The following CDK14 variants were observed in gnomAD, a reference collection of about 807,000 sequenced individuals.
CDK14 encodes cyclin-dependent kinase 14.
In CDK14, 34 loss-of-function variants were observed where a neutral mutation model predicts 60.7. The ratio of observed to expected loss-of-function variants is 0.56; its 90% CI spans 0.43 to 0.75. CDK14 has a LOEUF of 0.75. Among genes scored for constraint, CDK14 ranks in the 30% least tolerant of loss-of-function variants. The pLI, the probability that CDK14 is intolerant of heterozygous loss-of-function variation, is 0.00. For synonymous variants in CDK14, 197 were observed against 203.7 expected (o/e 0.97, Z 0.28); for missense variants, 482 against 564.1 (o/e 0.85, Z 1.47).
intron 10 of CDK14, among the ~76,000 whole-genome samples, chr7:91,024,839 A>G (rs1018979424): frequency 6.6e-6 from 1 of 152,232 alleles, no homozygotes; most frequent in African/African-American, 2.4e-5. Context: ...AGCTAAGTCT[A>G]TTTGATAGGT....
In CDK14 at chr7:90,596,545, T is replaced by C; in HGVS notation, c.-83T>C. The C allele has an allele frequency of 8.3e-7, 1 of 1,207,562 alleles. No homozygotes were observed. The highest frequency in any genetic ancestry group is 1.2e-6 in the Non-Finnish European group (1 of 831,784). 74.8% of individuals were successfully genotyped at this position (1,207,562 alleles called of 1,614,324 possible). On this transcript the variant is annotated 5_prime_UTR_variant, in exon 1 of 15. Coordinates refer to ENST00000380050, the MANE Select transcript of CDK14 (RefSeq NM_001287135.2). The stretch of plus-strand genomic sequence containing the variant: ...AGGTGGTGGAGGAGGAGGCGCCGCT[T>C]TCCCCGCGGCGCGCGCCCTCGCCGT...
intron 10 of CDK14, among the ~76,000 whole-genome samples, chr7:90,990,427 G>A (rs1374102851): frequency 1.3e-5 from 2 of 152,042 alleles, no homozygotes. Flanking sequence ...AACAAATAGG[G>A]ACAATAGATT....
intron 8 of CDK14, among the ~76,000 whole-genome samples, chr7:90,939,043 G>A (rs1195265379): frequency 1.3e-5 from 2 of 151,838 alleles, no homozygotes; most frequent in South Asian, 4.1e-4. Context: ...TCCCCTTTTT[G>A]CTCCTTTAAC....
At chr7:91,022,409 ATTC>A (rs1253352060) in intron 10 of CDK14, among the ~76,000 whole-genome samples, 5 of 139,376 alleles carry the variant, frequency 3.6e-5, no homozygotes, top group Non-Finnish European at 4.9e-5. Flanking sequence ...TGCCAGTGGC[ATTC>A]TTCTCCAAAA....
rs545484529 is a variant in CDK14, at chr7:90,698,641, T to C, written c.124-27926T>C. 9.8e-5 allele frequency among the ~76,000 whole-genome samples: 15 copies of C among 152,336 alleles called. No individual in the cohort carries two copies. The East Asian group carries it at 2.1e-3, about 22-fold the overall frequency. ...TGCTTCCTGATTGGCATCAATTATC[T>C]TACAACACCCCCAATTTTTTTGGAA... On this transcript the variant is annotated intron_variant, in intron 2 of 14. Transcript: ENST00000380050.
At chr7:91,117,191 C>T (rs1359861123) in intron 13 of CDK14, among the ~76,000 whole-genome samples, 1 of 150,588 alleles carries the variant, frequency 6.6e-6, no homozygotes, top group Admixed American at 6.7e-5. Flanking sequence ...CATCATTCTT[C>T]CAGTTGATGG....
intron 2 of CDK14, among the ~76,000 whole-genome samples, chr7:90,643,661 C>G (rs973855173): frequency 6.6e-6 from 1 of 152,124 alleles, no homozygotes; most frequent in Non-Finnish European, 1.5e-5. Flanking sequence ...TACAGCGTGA[C>G]GTTAACTTGA....
Position 90,790,618 on chromosome 7 carries a change from A to G in CDK14, c.510A>G (p.Glu170=). ...LVALKVIRLQ[E]EEGTPFTAIR... The stretch of plus-strand genomic sequence containing the variant: ...CTCTGAAGGTGATCAGGCTGCAGGA[A>G]GAAGAAGGGACACCTTTCACAGCTA... The change falls in exon 5 of 15, where the codon GAA becomes GAG. Residue 170 remains glutamate, a synonymous_variant. Coordinates refer to ENST00000380050, the MANE Select transcript of CDK14 (RefSeq NM_001287135.2). 6.2e-7 allele frequency: 1 copy of G among 1,612,874 alleles called. No homozygotes were observed. Among genetic ancestry groups the G allele is most frequent in the South Asian group, 1.1e-5 (1 of 91,024 alleles).
chr7:91,060,481 G>C (rs1797745986), intron 11 of CDK14, among the ~76,000 whole-genome samples: 1 of 152,178 alleles, frequency 6.6e-6, no homozygotes, highest in African/African-American at 2.4e-5. Context: ...AGTTGATGCA[G>C]TTTCTTCCTA....
intron 12 of CDK14, among the ~76,000 whole-genome samples, chr7:91,093,794 A>G (rs955764080): frequency 2.6e-5 from 4 of 152,316 alleles, no homozygotes; most frequent in Admixed American, 2.6e-4. Flanking sequence ...TCAGTGTTGA[A>G]CTGGATAAAG....
At chr7:90,850,725 C>T (rs1220473139) in intron 5 of CDK14, among the ~76,000 whole-genome samples, 8 of 152,118 alleles carry the variant, frequency 5.3e-5, no homozygotes. Flanking sequence ...TGCATGGAGA[C>T]CTCTCCATCA....
chr7:90,730,614 G>A (rs1168672458), intron 3 of CDK14, among the ~76,000 whole-genome samples: 1 of 152,178 alleles, frequency 6.6e-6, no homozygotes, highest in East Asian at 1.9e-4. Context: ...CAGTGATGAT[G>A]AGCTTTTTTT....
chr7:90,648,957 T>A (rs548420485), intron 2 of CDK14, among the ~76,000 whole-genome samples: 1 of 152,280 alleles, frequency 6.6e-6, no homozygotes, highest in African/African-American at 2.4e-5. Context: ...GAGTTCTCAG[T>A]TGAGGGACTT....
At chr7:91,002,662 A>G (rs1795874010) in intron 10 of CDK14, among the ~76,000 whole-genome samples, 1 of 152,220 alleles carries the variant, frequency 6.6e-6, no homozygotes, top group Non-Finnish European at 1.5e-5. Flanking sequence ...GGGATCTCAC[A>G]GTCTGGCCAA....
intron 11 of CDK14, among the ~76,000 whole-genome samples, chr7:91,071,382 G>T (rs1798140029): frequency 6.6e-6 from 1 of 152,120 alleles, no homozygotes. Context: ...ATGATCCACC[G>T]AGAGGAAGGA....
intron 9 of CDK14, among the ~76,000 whole-genome samples, chr7:90,973,979 C>T (rs557856221): frequency 2.6e-5 from 4 of 152,268 alleles, no homozygotes; most frequent in African/African-American, 9.6e-5. Flanking sequence ...CCTGAGGGTA[C>T]TGCAGGAGAC....
intron 2 of CDK14, among the ~76,000 whole-genome samples, chr7:90,611,799 T>C (rs918975218): frequency 1.3e-5 from 2 of 152,088 alleles, no homozygotes; most frequent in Admixed American, 1.3e-4. Flanking sequence ...CTTTCGTACC[T>C]TTTGACTCTT....
rs1374391197 is a variant in CDK14 at position 90,744,824 on chromosome 7, C to T, written c.370-2857C>T. ...GCTGGCCGGGCGGGGGGCTGACGCC[C>T]CCACCTCCCTCCCGGACGGGGGCTG... On this transcript the variant is annotated intron_variant, in intron 3 of 14. Coordinates refer to ENST00000380050, the MANE Select transcript of CDK14 (RefSeq NM_001287135.2). Among the ~76,000 whole-genome samples, 2 of 65,842 alleles carry T rather than the reference C, an allele frequency of 3.0e-5. 1 individual carries two copies. Among genetic ancestry groups the T allele is most frequent in the African/African-American group, 1.2e-4 (2 of 17,310 alleles). 43.2% of individuals were successfully genotyped at this position (65,842 alleles called of 152,430 possible).
chr7:90,667,674 A>T, intron 2 of CDK14, among the ~76,000 whole-genome samples: 1 of 151,250 alleles, frequency 6.6e-6, no homozygotes, highest in East Asian at 1.9e-4. Context: ...GGTTCACACC[A>T]TTCTCCTGCC....
Sources: allele counts gnomAD v4.1 joint callset (sites outside exome capture counted in the v4.1 genomes callset), GRCh38; gene constraint gnomAD v4.1.1; transcripts MANE v1.5; gene names NCBI Gene and HGNC (gene_info 2026-07-23, HGNC 2026-07-21).